Variants in COL4A2 observed in about 807,000 individuals in gnomAD.
COL4A2 encodes the protein collagen alpha-2(IV) chain.
COL4A2 carries 99 observed loss-of-function variants against 200.2 expected under a neutral mutation model. That is an observed-to-expected ratio of 0.49 (90% CI 0.42 to 0.58). The LOEUF is 0.58. COL4A2 is among the 20% of genes least tolerant of loss of function. The pLI, the probability that COL4A2 is intolerant of heterozygous loss-of-function variation, is 0.00. For synonymous variants in COL4A2, 897 were observed against 900.6 expected (o/e 1.00, Z 0.07); for missense variants, 1,950 against 2,314.1 (o/e 0.84, Z 3.23).
rs1401590311 is a variant in COL4A2 at position 110,307,839 on chromosome 13, C to T, written c.-44-21C>T. 2.6e-6 allele frequency: 4 copies of T among 1,551,534 alleles called. No individual in the cohort carries two copies. The highest frequency in any genetic ancestry group is 2.3e-5 in the East Asian group (1 of 44,022). On this transcript the variant is annotated intron_variant, in intron 1 of 47. Transcript: ENST00000360467. This position sits in a 1 kb window ranked among gnomAD's most constrained non-coding sequence, Gnocchi z 5.0. ...TGCCTCCCTCATCCTGCGCTAAACT[C>T]GCTTTGTCTGTCGCCTCTAGGCTAA...
At chr13:110,384,992 C>A (rs374605815) in intron 4 of COL4A2, among the ~76,000 whole-genome samples, 1 of 152,188 alleles carries the variant, frequency 6.6e-6, no homozygotes, top group East Asian at 1.9e-4. Flanking sequence ...AGGCCGGGCG[C>A]GGTGGCTCAC....
At chr13:110,342,163 G>A (rs1876486167) in intron 3 of COL4A2, among the ~76,000 whole-genome samples, 1 of 152,228 alleles carries the variant, frequency 6.6e-6, no homozygotes, top group African/African-American at 2.4e-5. Context: ...TTTTTTAAAA[G>A]AAAGAGAGAG....
At chr13:110,438,755 CA>C in intron 15 of COL4A2, 87 bp downstream of exon 15, 2 of 1,554,614 alleles carry the variant, frequency 1.3e-6, no homozygotes, top group Non-Finnish European at 1.8e-6. Context: ...TTCAGATTCA[CA>C]GCAAAATTTA....
chr13:110,460,039 G>T (rs1395437579), intron 22 of COL4A2, among the ~76,000 whole-genome samples: 3 of 152,180 alleles, frequency 2.0e-5, no homozygotes, highest in African/African-American at 7.2e-5. Context: ...TGTAGACAAA[G>T]AAAGTATACT....
At chr13:110,312,104 A>G (rs1343605589) in intron 3 of COL4A2, among the ~76,000 whole-genome samples, 1 of 152,220 alleles carries the variant, frequency 6.6e-6, no homozygotes, top group Non-Finnish European at 1.5e-5. Context: ...GCTATTGCTC[A>G]AAACATGGCC....
At chr13:110,388,419 A>G (rs898894018) in intron 4 of COL4A2, among the ~76,000 whole-genome samples, 1 of 152,122 alleles carries the variant, frequency 6.6e-6, no homozygotes, top group Non-Finnish European at 1.5e-5. Flanking sequence ...CCTCTGCCCA[A>G]ATTTCAAGAT....
chr13:110,511,654 C>G (rs1884083355), intron 47 of COL4A2, among the ~76,000 whole-genome samples: 1 of 152,242 alleles, frequency 6.6e-6, no homozygotes, highest in Non-Finnish European at 1.5e-5. Flanking sequence ...TGTCACGGCT[C>G]TAGTTCTTAC....
intron 4 of COL4A2, among the ~76,000 whole-genome samples, chr13:110,401,106 A>G (rs968028359): frequency 6.6e-6 from 1 of 152,342 alleles, no homozygotes; most frequent in Non-Finnish European, 1.5e-5. Context: ...ACAGTTGTTC[A>G]GCTTTGCCCT....
In COL4A2 at chr13:110,465,999, C is replaced by G. The variant is rs1431609563; in HGVS notation, c.1979-4C>G. The G allele has an allele frequency of 6.2e-7, 1 of 1,613,716 alleles. No individual in the cohort carries two copies. Among genetic ancestry groups the G allele is most frequent in the Admixed American group, 1.7e-5 (1 of 60,000 alleles). ...CTCACTCTGTCCTTATGTCTTCCCCCCAGATTGTGACACAGATGTGAAAAG... is the reference window on the plus strand; with the variant it reads ...CTCACTCTGTCCTTATGTCTTCCCCGCAGATTGTGACACAGATGTGAAAAG... On this transcript the variant is annotated splice_polypyrimidine_tract_variant and splice_region_variant and intron_variant, in intron 25 of 47. Coordinates refer to ENST00000360467, the MANE Select transcript of COL4A2 (RefSeq NM_001846.4).
chr13:110,474,420 G>T (rs1275351962), intron 29 of COL4A2, among the ~76,000 whole-genome samples: 1 of 152,194 alleles, frequency 6.6e-6, no homozygotes, highest in Non-Finnish European at 1.5e-5. Flanking sequence ...GAAGGGTTGG[G>T]ACCCAGGACA....
intron 20 of COL4A2, among the ~76,000 whole-genome samples, chr13:110,454,317 C>T (rs975634113): frequency 2.4e-4 from 36 of 152,166 alleles, no homozygotes; most frequent in African/African-American, 8.2e-4. Context: ...GGCTGTCACC[C>T]TCAGAGAGCC....
chr13:110,367,685 G>A (rs1877814517), intron 4 of COL4A2, among the ~76,000 whole-genome samples: 1 of 152,230 alleles, frequency 6.6e-6, no homozygotes, highest in Non-Finnish European at 1.5e-5. Context: ...TATTGCCGTG[G>A]CCTTTGAGGA....
intron 30 of COL4A2, 103 bp from the exon 31 acceptor site, chr13:110,480,107 ACTTTCCTTCT>A: frequency 8.3e-7 from 1 of 1,204,302 alleles, no homozygotes; most frequent in Non-Finnish European, 1.2e-6. Context: ...GTGGTTTTCC[ACTTTCCTTCT>A]AAGGAGCTTT....
Position 110,493,315 on chromosome 13 carries a change from G to A in COL4A2, c.3634+33G>A, listed in dbSNP as rs772499940. On this transcript the variant is annotated intron_variant, in intron 39 of 47. Transcript: ENST00000360467. ...GTGCCGTCCCAGCCCCGAGTCCCAC[G>A]CAGAGGTGTCGAGGGTGGGGACTCT... 5.2e-5 allele frequency: 84 copies of A among 1,610,458 alleles called. 2 individuals are homozygous for A. In the South Asian group the frequency reaches 5.4e-4, roughly 10 times the overall value.
chr13:110,374,772 C>T (rs1421958023), intron 4 of COL4A2, among the ~76,000 whole-genome samples: 1 of 152,156 alleles, frequency 6.6e-6, no homozygotes, highest in Non-Finnish European at 1.5e-5. Context: ...CCCACTGCTC[C>T]ACCCCTGACT....
chr13:110,334,902 G>T (rs1876104926), intron 3 of COL4A2, among the ~76,000 whole-genome samples: 1 of 152,214 alleles, frequency 6.6e-6, no homozygotes, highest in Non-Finnish European at 1.5e-5. Flanking sequence ...GCCTGCTTCA[G>T]CCCTCGGTCT....
In COL4A2 at chr13:110,465,192, C is replaced by A. The variant is rs4773189; in HGVS notation, c.1777-213C>A. Among the ~76,000 whole-genome samples, 1,497 of 152,276 alleles carry A rather than the reference C, an allele frequency of 9.8e-3. 46 individuals are homozygous for A. The highest frequency in any genetic ancestry group is 0.06 in the Admixed American group (923 of 15,300). On this transcript the variant is annotated intron_variant, in intron 24 of 47. Transcript: ENST00000360467. ...AAGCATGTACATGTGCCTTCCAGAA[C>A]CGGCTTCCGTGGCATTGCTTAGACT...
At position 110,355,780 on chromosome 13, in the gene COL4A2, GT is replaced by G. The variant is rs1439173050; in HGVS notation, c.100-1691del. Reference sequence around the variant, plus strand: ...TGCACTAGCTCACCTGTGTGTGGGGGTGGAGGGCTGTACAGCTCACCTGTGT... The same window carrying G: ...TGCACTAGCTCACCTGTGTGTGGGGGGGAGGGCTGTACAGCTCACCTGTGT... On this transcript the variant is annotated intron_variant, in intron 3 of 47. Transcript: ENST00000360467. 5.7e-4 allele frequency among the ~76,000 whole-genome samples: 33 copies of G among 58,046 alleles called. 1 individual carries two copies. Among genetic ancestry groups the G allele is most frequent in the East Asian group, 8.0e-4 (1 of 1,252 alleles). The allele number at this position is 58,046 out of a possible 152,430, so 38.1% of individuals were successfully genotyped here.
intron 28 of COL4A2, among the ~76,000 whole-genome samples, chr13:110,470,669 GA>G (rs1405923229): frequency 1.3e-5 from 2 of 152,138 alleles, no homozygotes; most frequent in African/African-American, 4.8e-5. Context: ...CCCATGTCTG[GA>G]ATATCACACA....
Sources: allele counts gnomAD v4.1 joint callset (sites outside exome capture counted in the v4.1 genomes callset), GRCh38; gene constraint gnomAD v4.1.1; non-coding constraint Gnocchi (gnomAD v3.1); transcripts MANE v1.5; gene names NCBI Gene and HGNC (gene_info 2026-07-23, HGNC 2026-07-21).